Variants in ADHFE1 observed in about 807,000 individuals in gnomAD.
ADHFE1 encodes hydroxyacid-oxoacid transhydrogenase, mitochondrial.
ADHFE1 carries 37 observed loss-of-function variants against 54.8 expected under a neutral mutation model. The observed-to-expected ratio is 0.68, with a 90% CI of 0.52 to 0.89. ADHFE1 has a LOEUF of 0.89. ADHFE1 is among the 40% of genes least tolerant of loss of function. ADHFE1 has a pLI of 0.00. For missense variants in ADHFE1, 601 were observed against 591.2 expected (o/e 1.02, Z -0.17); for synonymous variants, 203 against 229.3 (o/e 0.89, Z 1.04).
intron 13 of ADHFE1, among the ~76,000 whole-genome samples, chr8:66,465,951 A>T (rs556254176): frequency 6.6e-6 from 1 of 151,650 alleles, no homozygotes; most frequent in South Asian, 2.1e-4. Flanking sequence ...ATGATTTGCA[A>T]TTTTTTTTAA....
intron 9 of ADHFE1, chr8:66,453,823 A>T: frequency 1.4e-6 from 2 of 1,475,076 alleles, no homozygotes; most frequent in Non-Finnish European, 9.1e-7. Context: ...CTTTTACATC[A>T]CATGAGCAGC....
At chr8:66,459,899 A>G (rs1806805724) in intron 12 of ADHFE1, 1 of 156,890 alleles carries the variant, frequency 6.4e-6, no homozygotes, top group African/African-American at 2.4e-5. Flanking sequence ...GTCTTTTTCT[A>G]AGATGTTGCT....
chr8:66,456,499 G>T (rs6651308), intron 10 of ADHFE1, among the ~76,000 whole-genome samples: 1 of 152,142 alleles, frequency 6.6e-6, no homozygotes. Context: ...CAGAAACTTC[G>T]AAGTGAATTA....
intron 13 of ADHFE1, among the ~76,000 whole-genome samples, chr8:66,463,674 A>G (rs1029730713): frequency 2.0e-5 from 3 of 152,230 alleles, no homozygotes; most frequent in Admixed American, 1.3e-4. Flanking sequence ...AGTTTTACAC[A>G]TGCAATAGAC....
intron 6 of ADHFE1, among the ~76,000 whole-genome samples, chr8:66,447,016 A>G (rs1488491913): frequency 7.2e-5 from 11 of 152,252 alleles, no homozygotes; most frequent in Admixed American, 5.2e-4. Flanking sequence ...GACATCATAC[A>G]CATTGGACTT....
At chr8:66,468,010 T>G (rs1449760677) in intron 13 of ADHFE1, among the ~76,000 whole-genome samples, 4 of 152,166 alleles carry the variant, frequency 2.6e-5, no homozygotes, top group Non-Finnish European at 5.9e-5. Flanking sequence ...TCCCCAAGAT[T>G]GGTTTCGGCA....
chr8:66,440,120 T>G, intron 1 of ADHFE1, 42 bp from the exon 2 acceptor site: 1 of 1,600,960 alleles, frequency 6.2e-7, no homozygotes, highest in Non-Finnish European at 8.5e-7. Flanking sequence ...GGTCTCTATT[T>G]TCACCTTAGG....
chr8:66,445,320 T>C lies in ADHFE1; in HGVS notation c.456T>C (p.Tyr152=). ...TMDTCKAANL[Y]ASSPHSDFLD... is the part of the protein sequence containing the mutation. Reference sequence around the variant, plus strand: ...ACACCTGTAAGGCTGCTAATCTGTATGCATCCAGCCCTCATTCTGATTTCC... The same window carrying C: ...ACACCTGTAAGGCTGCTAATCTGTACGCATCCAGCCCTCATTCTGATTTCC... Residue 152 remains tyrosine (Y), a synonymous_variant, in exon 6 of 14, where the codon TAT becomes TAC. Coordinates refer to ENST00000396623, the MANE Select transcript of ADHFE1 (RefSeq NM_144650.3). 1 of 1,614,156 alleles carries C rather than the reference T, an allele frequency of 6.2e-7. No homozygotes were observed. Among genetic ancestry groups the C allele is most frequent in the Non-Finnish European group, 8.5e-7 (1 of 1,180,032 alleles).
At chr8:66,442,885 G>GA (rs1193062956) in intron 3 of ADHFE1, 41 bp downstream of exon 3, 3 of 1,446,420 alleles carry the variant, frequency 2.1e-6, no homozygotes, top group Non-Finnish European at 2.8e-6. Flanking sequence ...TGAATGACTA[G>GA]AAAAAAATAA....
intron 1 of ADHFE1, 154 bp downstream of exon 1, chr8:66,432,729 G>C (rs1805265696): frequency 1.6e-6 from 2 of 1,232,410 alleles, no homozygotes; most frequent in African/African-American, 1.6e-5. Flanking sequence ...CGCGCCAGGC[G>C]GAACAGCGAG....
intron 9 of ADHFE1, among the ~76,000 whole-genome samples, chr8:66,453,304 A>G (rs1586469207): frequency 1.3e-5 from 2 of 152,216 alleles, no homozygotes; most frequent in East Asian, 3.8e-4. Context: ...TGAAAGGAAC[A>G]TTTCAAATGA....
At chr8:66,459,576 CA>C (rs1299098574) in intron 12 of ADHFE1, 1 of 151,662 alleles carries the variant, frequency 6.6e-6, no homozygotes, top group Non-Finnish European at 1.5e-5. Context: ...AATTACTAAT[CA>C]TGTAAAAATT....
At chr8:66,436,424 A>G (rs1805470938) in intron 1 of ADHFE1, among the ~76,000 whole-genome samples, 2 of 152,256 alleles carry the variant, frequency 1.3e-5, no homozygotes, top group Non-Finnish European at 2.9e-5. Context: ...ATACCTGGGT[A>G]TGGAACAGAG....
Position 66,448,922 on chromosome 8 carries a change from T to C in ADHFE1, c.686T>C (p.Leu229Pro). The C allele has an allele frequency of 6.2e-7, 1 of 1,614,182 alleles. No homozygotes were observed. Among genetic ancestry groups the C allele is most frequent in the Non-Finnish European group, 8.5e-7 (1 of 1,180,034 alleles). The change falls in exon 8 of 14, where the codon CTC becomes CCC. Residue 229 changes from leucine (L) to proline (P), a missense_variant. Physicochemically the swap from Leu to Pro is moderately conservative, Grantham distance 98 (BLOSUM62 -3). Transcript: ENST00000396623. ...TLGLIDPLHT[L>P]HMPARVVANS... is the part of the protein sequence containing the mutation. The stretch of plus-strand genomic sequence containing the variant: ...GGACTGATTGATCCTCTGCACACCC[T>C]CCACATGCCTGCCCGAGTGGTCGCC...
At chr8:66,445,763 A>C (rs1304554181) in intron 6 of ADHFE1, among the ~76,000 whole-genome samples, 6 of 152,166 alleles carry the variant, frequency 3.9e-5, no homozygotes, top group Admixed American at 1.3e-4. Context: ...GCCACTGTAG[A>C]GTTTAAGGAG....
In ADHFE1 at chr8:66,445,479, C is replaced by A. The variant is rs1586453266; in HGVS notation, c.550+65C>A. On this transcript the variant is annotated intron_variant, in intron 6 of 13. Transcript: ENST00000396623. ...TGAGCAATAGATCTTAAGAAAGATG[C>A]AAGCCAGTCCTTTTAACATACACAT... 33 of 1,441,286 alleles carry A rather than the reference C, an allele frequency of 2.3e-5. No individual in the cohort carries two copies. In the East Asian group the frequency reaches 4.7e-4, roughly 21 times the overall value. The allele number at this position is 1,441,286 out of a possible 1,614,324, so 89.3% of individuals were successfully genotyped here.
intron 7 of ADHFE1, among the ~76,000 whole-genome samples, chr8:66,447,552 G>A (rs1024177160): frequency 5.9e-5 from 9 of 152,164 alleles, no homozygotes; most frequent in African/African-American, 2.2e-4. Context: ...AAAGTACTCA[G>A]AGTGATGGAT....
At chr8:66,442,938 C>A (rs1028644858) in intron 3 of ADHFE1, 94 bp downstream of exon 3, 13 of 1,076,774 alleles carry the variant, frequency 1.2e-5, no homozygotes, top group Middle Eastern at 2.8e-4. Flanking sequence ...TATTTTAAAT[C>A]TGTTATTAAT....
intron 6 of ADHFE1, 31 bp from the exon 7 acceptor site, chr8:66,447,233 C>G (rs376838868): frequency 7.8e-5 from 124 of 1,587,792 alleles, no homozygotes; most frequent in Middle Eastern, 3.3e-4. Flanking sequence ...TATTTAGATG[C>G]TTTATTAAAA....
Sources: allele counts gnomAD v4.1 joint callset (sites outside exome capture counted in the v4.1 genomes callset), GRCh38; gene constraint gnomAD v4.1.1; transcripts MANE v1.5; gene names NCBI Gene and HGNC (gene_info 2026-07-23, HGNC 2026-07-21).